The following DNAJB4 variants were observed in gnomAD, a reference collection of about 807,000 sequenced individuals.
The protein encoded by DNAJB4 is DnaJ heat shock protein family (Hsp40) member B4, also known as dnaJ homolog subfamily B member 4.
Under a neutral mutation model 26.6 loss-of-function variants are expected in DNAJB4, and 10 were observed. The ratio of observed to expected loss-of-function variants is 0.38; its 90% CI spans 0.23 to 0.64. The LOEUF (loss-of-function observed/expected upper bound fraction) is 0.64, where lower values mean the gene tolerates loss of function less well. Ranked by LOEUF, DNAJB4 falls within the 30% of genes least tolerant of loss-of-function variation. DNAJB4 has a pLI of 0.58. For missense variants in DNAJB4, 328 were observed against 408.2 expected (o/e 0.80, Z 1.69); for synonymous variants, 136 against 134.8 (o/e 1.01, Z -0.06).
rs992662659 is a variant in DNAJB4, at chr1:77,988,707, A to G, written c.-32+8385A>G. ...GAAATCATTTCTGGCTACCCTATCT[A>G]AATTTTGAATCTCCTTATTTACATT... On this transcript the variant is annotated intron_variant, in intron 1 of 2. Coordinates refer to the DNAJB4 transcript ENST00000426517. 3.3e-5 allele frequency among the ~76,000 whole-genome samples: 5 copies of G among 152,164 alleles called. No homozygotes were observed. In the East Asian group the frequency reaches 9.6e-4, roughly 29 times the overall value.
upstream of DNAJB4, chr1:77,979,280 C>G: frequency 2.3e-6 from 1 of 430,800 alleles, no homozygotes; most frequent in Non-Finnish European, 4.2e-6. Context: ...ACCTCCTCTC[C>G]GCGCGTTCTT....
At chr1:78,011,721 T>C (rs1039133665) in intron 1 of DNAJB4, among the ~76,000 whole-genome samples, 2 of 151,882 alleles carry the variant, frequency 1.3e-5, no homozygotes, top group African/African-American at 4.8e-5. Flanking sequence ...TGATCTCAAG[T>C]GATCCACCCG....
At chr1:78,015,550 C>CTTTTTTTTTTTTTTTTTTTT (rs766899519) in intron 2 of DNAJB4, among the ~76,000 whole-genome samples, 1 of 57,810 alleles carries the variant, frequency 1.7e-5, no homozygotes, top group African/African-American at 5.9e-5. Flanking sequence ...TTTCTTTCTT[C>CTTTTTTTTTTTTTTTTTTTT]TTTTTTTTTT....
At chr1:77,992,412 C>CA (rs67649336) in intron 1 of DNAJB4, among the ~76,000 whole-genome samples, 9,525 of 47,760 alleles carry the variant, frequency 0.2, 2,535 homozygotes, top group East Asian at 0.47. Flanking sequence ...GACTCCGTCT[C>CA]AAAAAAAAAA....
intron 1 of DNAJB4, among the ~76,000 whole-genome samples, chr1:78,012,607 C>T (rs1450374278): frequency 2.0e-5 from 3 of 151,926 alleles, no homozygotes; most frequent in African/African-American, 4.8e-5. Context: ...GTTGGGAGTT[C>T]GAGACCAGCC....
intron 1 of DNAJB4, among the ~76,000 whole-genome samples, chr1:78,005,636 C>T (rs1205970765): frequency 2.0e-5 from 3 of 152,100 alleles, no homozygotes; most frequent in Non-Finnish European, 4.4e-5. Flanking sequence ...CTTGAATTCC[C>T]ATACCTATTA....
At chr1:77,991,495 C>T (rs975085262) in intron 1 of DNAJB4, among the ~76,000 whole-genome samples, 6 of 152,040 alleles carry the variant, frequency 3.9e-5, no homozygotes, top group Non-Finnish European at 8.8e-5. Flanking sequence ...ATCTGTAATC[C>T]CACCACCTTG....
intron 1 of DNAJB4, among the ~76,000 whole-genome samples, chr1:77,987,980 T>C (rs1364645771): frequency 6.7e-6 from 1 of 148,580 alleles, no homozygotes; most frequent in Non-Finnish European, 1.5e-5. Flanking sequence ...ATACATTATA[T>C]ATATACATAA....
At chr1:78,003,837 C>T (rs1164725472), upstream of DNAJB4, among the ~76,000 whole-genome samples, 1 of 152,008 alleles carries the variant, frequency 6.6e-6, no homozygotes, top group Non-Finnish European at 1.5e-5. Flanking sequence ...AAAACTACAG[C>T]AAATAACCAT....
chr1:77,997,024 A>T (rs1435094531), intron 1 of DNAJB4, among the ~76,000 whole-genome samples: 2 of 152,126 alleles, frequency 1.3e-5, no homozygotes, highest in African/African-American at 4.8e-5. Context: ...TTTGTTAAGA[A>T]CCCTTTACCT....
intron 1 of DNAJB4, among the ~76,000 whole-genome samples, chr1:77,986,006 A>G (rs749571362): frequency 1.8e-4 from 28 of 152,156 alleles, no homozygotes; most frequent in Non-Finnish European, 3.2e-4. Context: ...TAATTAAGCA[A>G]TGGTTTGAAG....
chr1:78,000,283 C>T (rs890053419), upstream of DNAJB4, among the ~76,000 whole-genome samples: 4 of 152,176 alleles, frequency 2.6e-5, no homozygotes, highest in Admixed American at 6.5e-5. Flanking sequence ...TTCCTCACTA[C>T]GTGCCAATCA....
upstream of DNAJB4, chr1:77,979,266 T>C (rs958744993): frequency 1.1e-5 from 5 of 452,512 alleles, no homozygotes; most frequent in South Asian, 7.1e-5. Flanking sequence ...GAATTTCTTT[T>C]GGCACCTCCT....
At chr1:78,001,106 A>C (rs1024654598), upstream of DNAJB4, among the ~76,000 whole-genome samples, 9 of 152,066 alleles carry the variant, frequency 5.9e-5, no homozygotes, top group Admixed American at 4.6e-4. Context: ...GGATCTTGGG[A>C]GGTCAAGGAA....
chr1:77,990,202 G>C (rs1283099818), intron 1 of DNAJB4, among the ~76,000 whole-genome samples: 1 of 152,150 alleles, frequency 6.6e-6, no homozygotes, highest in African/African-American at 2.4e-5. Flanking sequence ...TTCTCACCTG[G>C]TTGATCTCTG....
At chr1:77,981,709 T>C (rs1659652682) in intron 1 of DNAJB4, among the ~76,000 whole-genome samples, 1 of 152,224 alleles carries the variant, frequency 6.6e-6, no homozygotes, top group Non-Finnish European at 1.5e-5. Context: ...TAGGATCTCT[T>C]CAGTGAAGCT....
Position 78,013,313 on chromosome 1 carries a change from T to C in DNAJB4, c.474T>C (p.Pro158=). 6.2e-7 allele frequency: 1 copy of C among 1,614,108 alleles called. No homozygotes were observed. The highest frequency in any genetic ancestry group is 1.1e-5 in the South Asian group (1 of 91,054). The change falls in exon 2 of 3, where the codon CCT becomes CCC. Residue 158 remains proline, a synonymous_variant. Transcript: ENST00000370763. The stretch of plus-strand genomic sequence containing the variant: ...GGCCATCCCGCCTCAAACAAGATCC[T>C]CCAGTTATTCATGAACTTAGAGTAT... ...SVGPSRLKQD[P]PVIHELRVSL... is the part of the protein sequence containing the mutation.
In DNAJB4 at chr1:78,016,355, T is replaced by A. The variant is rs1157251293; in HGVS notation, c.*108T>A. The A allele has an allele frequency of 1.1e-6, 1 of 949,142 alleles. No homozygotes were observed. The highest frequency in any genetic ancestry group is 2.6e-5 in the East Asian group (1 of 38,434). The allele number at this position is 949,142 out of a possible 1,614,324, so 58.8% of individuals were successfully genotyped here. ...CTGTATAAAGATGTGTAAATTCTTT[T>A]GAGGGTTCATTAAATTGCATGAATA... On this transcript the variant is annotated 3_prime_UTR_variant, in exon 3 of 3. Transcript: ENST00000370763.
rs972266542 is a variant in DNAJB4, at chr1:77,987,660, T to C, written c.-32+7338T>C. The stretch of plus-strand genomic sequence containing the variant: ...AAGTCTGTTCTGTGTTTGCTGAAGT[T>C]GAAAAACCTTGGTGTCCTTATTGGT... On this transcript the variant is annotated intron_variant, in intron 1 of 2. Coordinates refer to the DNAJB4 transcript ENST00000426517. 3.3e-5 allele frequency among the ~76,000 whole-genome samples: 5 copies of C among 152,266 alleles called. No homozygotes were observed. The East Asian group carries it at 7.7e-4, about 24-fold the overall frequency.
Sources: gnomAD v4.1 joint callset for allele counts (sites outside exome capture counted in the v4.1 genomes callset) on GRCh38, gnomAD v4.1.1 for gene constraint, MANE v1.5 for transcripts, NCBI Gene and HGNC (gene_info 2026-07-23, HGNC 2026-07-21) for gene names.